The following FHOD3 variants were observed in gnomAD, a reference collection of about 807,000 sequenced individuals.
The protein encoded by FHOD3 is FH1/FH2 domain-containing protein 3.
In FHOD3, 90 loss-of-function variants were observed where a neutral mutation model predicts 173.0. The ratio of observed to expected loss-of-function variants is 0.52; its 90% CI spans 0.44 to 0.62. FHOD3 has a LOEUF of 0.62. Ranked by LOEUF, FHOD3 falls within the 20% of genes least tolerant of loss-of-function variation. The pLI, the probability that FHOD3 is intolerant of heterozygous loss-of-function variation, is 0.00. For missense variants in FHOD3, 1,945 were observed against 2,034.7 expected (o/e 0.96, Z 0.85); for synonymous variants, 828 against 823.0 (o/e 1.01, Z -0.10).
At chr18:36,363,749 T>C (rs1368448431) in intron 2 of FHOD3, among the ~76,000 whole-genome samples, 1 of 152,148 alleles carries the variant, frequency 6.6e-6, no homozygotes, top group East Asian at 1.9e-4. Context: ...TATGTATTTG[T>C]GAGAACTCAT....
At chr18:36,451,754 G>A (rs2051859903) in intron 3 of FHOD3, among the ~76,000 whole-genome samples, 1 of 152,226 alleles carries the variant, frequency 6.6e-6, no homozygotes, top group South Asian at 2.1e-4. Flanking sequence ...AGGGAGGGAA[G>A]CAGGACCTCT....
chr18:36,640,940 T>C (rs1283111535), intron 10 of FHOD3, among the ~76,000 whole-genome samples: 1 of 152,192 alleles, frequency 6.6e-6, no homozygotes, highest in African/African-American at 2.4e-5. Flanking sequence ...CTGGCCTGGA[T>C]GTTAGGAGAT....
At chr18:36,604,191 C>G (rs1454897690) in intron 8 of FHOD3, among the ~76,000 whole-genome samples, 1 of 152,012 alleles carries the variant, frequency 6.6e-6, no homozygotes, top group African/African-American at 2.4e-5. Flanking sequence ...GCCAGCCACC[C>G]CATGGGCCTT....
intron 19 of FHOD3, among the ~76,000 whole-genome samples, chr18:36,724,799 T>C (rs987176783): frequency 2.0e-5 from 3 of 152,192 alleles, no homozygotes; most frequent in Non-Finnish European, 2.9e-5. Flanking sequence ...CTGTCTTTCC[T>C]CCAGGGGAGA....
At chr18:36,724,295 A>G (rs775733866) in intron 19 of FHOD3, among the ~76,000 whole-genome samples, 2 of 152,100 alleles carry the variant, frequency 1.3e-5, no homozygotes. Context: ...AAATATTCCT[A>G]TTACCATGTG....
chr18:36,564,650 C>T (rs1187357896), intron 5 of FHOD3, among the ~76,000 whole-genome samples: 1 of 152,132 alleles, frequency 6.6e-6, no homozygotes, highest in African/African-American at 2.4e-5. Context: ...ACATAATGTC[C>T]TGCTGGGAAG....
At chr18:36,335,464 C>T (rs2045259615) in intron 1 of FHOD3, among the ~76,000 whole-genome samples, 1 of 149,408 alleles carries the variant, frequency 6.7e-6, no homozygotes, top group Admixed American at 6.6e-5. Context: ...CACTGCACTC[C>T]AGCCTGGGCG....
At chr18:36,338,483 AG>A (rs974532876) in intron 1 of FHOD3, among the ~76,000 whole-genome samples, 1 of 152,186 alleles carries the variant, frequency 6.6e-6, no homozygotes, top group African/African-American at 2.4e-5. Flanking sequence ...GGTCACACCG[AG>A]TGTGGCAGTG....
At position 36,343,358 on chromosome 18, in the gene FHOD3, C is replaced by T. The variant is rs562954267; in HGVS notation, c.166-12181C>T. Among the ~76,000 whole-genome samples, 246 of 152,270 alleles carry T rather than the reference C, an allele frequency of 1.6e-3. 1 individual carries two copies. The highest frequency in any genetic ancestry group is 5.5e-3 in the African/African-American group (228 of 41,552). The stretch of plus-strand genomic sequence containing the variant: ...AATGAAATACCAATAAATGCTACAG[C>T]ATAGATGAAGCCCATAAAACATTAT... On this transcript the variant is annotated intron_variant, in intron 1 of 28. Transcript: ENST00000590592.
At chr18:36,626,107 A>C (rs75895411) in intron 10 of FHOD3, among the ~76,000 whole-genome samples, 19,690 of 152,178 alleles carry the variant, frequency 0.13, 1,363 homozygotes, top group Non-Finnish European at 0.15. Flanking sequence ...CCACTGTAGG[A>C]ATGTGGGGTT....
chr18:36,535,526 C>T (rs941019804), intron 5 of FHOD3, among the ~76,000 whole-genome samples: 17 of 152,138 alleles, frequency 1.1e-4, no homozygotes, highest in Non-Finnish European at 1.8e-4. Flanking sequence ...TTAATCAGGT[C>T]CAGTGTTAAT....
At chr18:36,512,074 C>T (rs1013244404) in intron 4 of FHOD3, among the ~76,000 whole-genome samples, 6 of 152,228 alleles carry the variant, frequency 3.9e-5, no homozygotes, top group African/African-American at 1.2e-4. Flanking sequence ...ATGTTTCCTG[C>T]AGTAGAAAAC....
intron 24 of FHOD3, among the ~76,000 whole-genome samples, chr18:36,752,264 T>C (rs2042434248): frequency 1.3e-5 from 2 of 152,108 alleles, no homozygotes; most frequent in South Asian, 4.1e-4. Flanking sequence ...AGCCAAACCA[T>C]ATCAAAAGCC....
chr18:36,562,434 C>G (rs1440908214), intron 5 of FHOD3, among the ~76,000 whole-genome samples: 1 of 152,192 alleles, frequency 6.6e-6, no homozygotes, highest in Non-Finnish European at 1.5e-5. Context: ...ACATTATTTA[C>G]TATGTTGCAT....
At chr18:36,379,957 A>G (rs990473968) in intron 3 of FHOD3, among the ~76,000 whole-genome samples, 1 of 152,208 alleles carries the variant, frequency 6.6e-6, no homozygotes, top group African/African-American at 2.4e-5. Context: ...GATGGTTCAA[A>G]AATGTCTTGC....
chr18:36,576,481 G>A lies in FHOD3; in HGVS notation c.542G>A (p.Gly181Glu). Residue 181 changes from glycine (G) to glutamate (E), a missense_variant, in exon 6 of 29, where the codon GGA becomes GAA. Coordinates refer to ENST00000590592, the MANE Select transcript of FHOD3 (RefSeq NM_001281740.3). ...ALGQIMLYVDGMNGVINRNET... is the reference protein window; with the variant it reads ...ALGQIMLYVDEMNGVINRNET... ...GGCCAGATTATGTTGTATGTGGATG[G>A]AATGAATGGAGTAATAAACCGCAAT... 1 of 1,613,806 alleles carries A rather than the reference G, an allele frequency of 6.2e-7. No individual in the cohort carries two copies. The highest frequency in any genetic ancestry group is 8.5e-7 in the Non-Finnish European group (1 of 1,179,870).
intron 2 of FHOD3, among the ~76,000 whole-genome samples, chr18:36,370,079 G>A (rs2047106965): frequency 6.6e-6 from 1 of 152,134 alleles, no homozygotes; most frequent in Admixed American, 6.5e-5. Context: ...CAGATGCCCT[G>A]TTGTGAACCT....
intron 3 of FHOD3, among the ~76,000 whole-genome samples, chr18:36,442,503 A>T (rs1323212514): frequency 6.6e-6 from 1 of 152,142 alleles, no homozygotes. Flanking sequence ...TCTATGTTTC[A>T]TTATATTGTT....
chr18:36,727,021 G>C (rs2041112256), intron 19 of FHOD3, among the ~76,000 whole-genome samples: 1 of 152,016 alleles, frequency 6.6e-6, no homozygotes. Context: ...GATGGGTTAG[G>C]GAGAGAAGAG....
Sources: allele counts gnomAD v4.1 joint callset (sites outside exome capture counted in the v4.1 genomes callset), GRCh38; gene constraint gnomAD v4.1.1; transcripts MANE v1.5; gene names NCBI Gene and HGNC (gene_info 2026-07-23, HGNC 2026-07-21).